ST6GALNAC5: variants seen among roughly 807,000 people sequenced by gnomAD.
The protein encoded by ST6GALNAC5 is alpha-N-acetylgalactosaminide alpha-2,6-sialyltransferase 5.
Under a neutral mutation model 33.6 loss-of-function variants are expected in ST6GALNAC5, and 27 were observed. The observed-to-expected ratio is 0.80, with a 90% confidence interval of 0.59 to 1.11. The LOEUF is 1.11. ST6GALNAC5 is among the 50% of genes least tolerant of loss of function. ST6GALNAC5 has a pLI of 0.00. For synonymous variants in ST6GALNAC5, 194 were observed against 171.2 expected, an observed-to-expected ratio of 1.13 and a Z score of -1.04; for missense variants, 428 against 454.0, an observed-to-expected ratio of 0.94 and a Z score of 0.52.
intron 2 of ST6GALNAC5, among the ~76,000 whole-genome samples, chr1:76,897,500 C>G (rs143444390): frequency 0.031 from 4,650 of 151,960 alleles, 234 homozygotes; most frequent in African/African-American, 0.11. Flanking sequence ...TCAAAGCATG[C>G]TGTGGGATGG....
chr1:76,934,706 C>T (rs930897989), intron 2 of ST6GALNAC5, among the ~76,000 whole-genome samples: 1 of 152,026 alleles, frequency 6.6e-6, no homozygotes, highest in Middle Eastern at 3.4e-3. Context: ...AGTGAAAGCC[C>T]AGGGAGTACT....
intron 3 of ST6GALNAC5, 131 bp downstream of exon 3, chr1:77,044,744 A>T: frequency 9.0e-7 from 1 of 1,117,090 alleles, no homozygotes; most frequent in Non-Finnish European, 1.3e-6. Context: ...GCTAGAGTTC[A>T]CTTGTAGGGT....
chr1:76,946,409 A>G (rs1647519130), intron 2 of ST6GALNAC5, among the ~76,000 whole-genome samples: 1 of 152,156 alleles, frequency 6.6e-6, no homozygotes, highest in Non-Finnish European at 1.5e-5. Context: ...CTGTTTTAAA[A>G]GAACTGGGGA....
At chr1:76,901,622 G>C (rs550245686) in intron 2 of ST6GALNAC5, among the ~76,000 whole-genome samples, 1 of 152,130 alleles carries the variant, frequency 6.6e-6, no homozygotes, top group Non-Finnish European at 1.5e-5. Context: ...GGCCTTTTGC[G>C]TGAGAAATGT....
chr1:76,917,042 C>T (rs1389292367), intron 2 of ST6GALNAC5, among the ~76,000 whole-genome samples: 1 of 152,110 alleles, frequency 6.6e-6, no homozygotes, highest in Admixed American at 6.6e-5. Context: ...GAATAACTCC[C>T]TCAGGGTGAA....
chr1:76,867,552 C>A lies in ST6GALNAC5; in HGVS notation c.-124C>A. 15 of 1,526,160 alleles carry A rather than the reference C, an allele frequency of 9.8e-6. No individual in the cohort carries two copies. In the South Asian group the frequency reaches 1.6e-4, roughly 16 times the overall value. 94.5% of individuals were successfully genotyped at this position (1,526,160 alleles called of 1,614,324 possible). A position where few individuals can be genotyped will look rare whatever the true frequency, so the allele number is the denominator to read the frequency against. Reference sequence around the variant, plus strand: ...CCCGCGGCTCCCGCGCGCGATCTGCCGCGGCCGGCTGCTGGGCAAAAATCA... The same window carrying A: ...CCCGCGGCTCCCGCGCGCGATCTGCAGCGGCCGGCTGCTGGGCAAAAATCA... On this transcript the variant is annotated 5_prime_UTR_variant, in exon 1 of 5. Transcript: ENST00000477717.
At chr1:76,985,539 T>C (rs1407809963) in intron 2 of ST6GALNAC5, among the ~76,000 whole-genome samples, 1 of 152,202 alleles carries the variant, frequency 6.6e-6, no homozygotes. Flanking sequence ...GAATATTCCA[T>C]GCTCATGGAT....
At chr1:77,023,787 C>A (rs533975186) in intron 2 of ST6GALNAC5, among the ~76,000 whole-genome samples, 1 of 152,212 alleles carries the variant, frequency 6.6e-6, no homozygotes, top group South Asian at 2.1e-4. Context: ...AGAACTGGGT[C>A]ATTGTAGCGC....
intron 2 of ST6GALNAC5, among the ~76,000 whole-genome samples, chr1:77,013,482 C>T (rs1259857895): frequency 6.6e-6 from 1 of 152,160 alleles, no homozygotes; most frequent in Non-Finnish European, 1.5e-5. Context: ...GCTTTCTCAC[C>T]CAACTGTTGC....
rs182110009 is a variant in ST6GALNAC5 at position 77,066,136 on chromosome 1, A to C, written c.*2930A>C. On this transcript the variant is annotated 3_prime_UTR_variant, in exon 5 of 5. Transcript: ENST00000477717. ...GTGATTTCCATTACCGTTAATGGGC[A>C]TTTGGCAACTAAGTCCCTGTGCTTT... is the stretch of plus-strand genomic sequence containing the variant. Among the ~76,000 whole-genome samples the C allele has an allele frequency of 1.3e-5, 2 of 152,294 alleles. No homozygotes were observed. The highest frequency in any genetic ancestry group is 2.9e-5 in the Non-Finnish European group (2 of 68,024).
At chr1:77,058,825 G>C (rs1482556188) in intron 4 of ST6GALNAC5, among the ~76,000 whole-genome samples, 1 of 152,156 alleles carries the variant, frequency 6.6e-6, no homozygotes, top group African/African-American at 2.4e-5. Flanking sequence ...TGTGCTGAAA[G>C]CCAGGCAGTG....
At chr1:76,881,245 A>C (rs572669171) in intron 2 of ST6GALNAC5, among the ~76,000 whole-genome samples, 3 of 152,334 alleles carry the variant, frequency 2.0e-5, no homozygotes, top group African/African-American at 7.2e-5. Context: ...ATGTGCATTT[A>C]TGAGATGTGT....
rs114991774 is a variant in ST6GALNAC5, at chr1:77,061,934, A to G, written c.780-1041A>G. On this transcript the variant is annotated intron_variant, in intron 4 of 4. Coordinates refer to ENST00000477717, the MANE Select transcript of ST6GALNAC5 (RefSeq NM_030965.3). Reference sequence around the variant, plus strand: ...ACTGAGGATGTAGAGTTTCTGGACTAAAAGACTGTAGACTTTGAGTACATA... The same window carrying G: ...ACTGAGGATGTAGAGTTTCTGGACTGAAAGACTGTAGACTTTGAGTACATA... Among the ~76,000 whole-genome samples, 141 of 152,290 alleles carry G rather than the reference A, an allele frequency of 9.3e-4. 1 individual carries two copies. Among genetic ancestry groups the G allele is most frequent in the African/African-American group, 3.1e-3 (128 of 41,568 alleles).
At position 76,893,697 on chromosome 1, in the gene ST6GALNAC5, G is replaced by A. The variant is rs554429782; in HGVS notation, c.261+24955G>A. Among the ~76,000 whole-genome samples the A allele has an allele frequency of 1.8e-3, 272 of 152,206 alleles. 4 individuals are homozygous for A. The highest frequency in any genetic ancestry group is 6.0e-3 in the African/African-American group (250 of 41,528). On this transcript the variant is annotated intron_variant, in intron 2 of 4. Coordinates refer to ENST00000477717, the MANE Select transcript of ST6GALNAC5 (RefSeq NM_030965.3). ...TATTTTTGAGACAGAGGCTCACTCC[G>A]TCACCCAGGCTAGATTGCAGTGGCG... is the stretch of plus-strand genomic sequence containing the variant.
intron 2 of ST6GALNAC5, among the ~76,000 whole-genome samples, chr1:76,993,506 A>G (rs945853844): frequency 2.6e-5 from 4 of 152,216 alleles, no homozygotes; most frequent in African/African-American, 9.6e-5. Flanking sequence ...TTTGTGAGAA[A>G]TATGGAGTAT....
intron 2 of ST6GALNAC5, among the ~76,000 whole-genome samples, chr1:76,995,860 C>A (rs1276078363): frequency 1.3e-5 from 2 of 152,108 alleles, no homozygotes; most frequent in Non-Finnish European, 2.9e-5. Context: ...GACTATGTAT[C>A]TTTTGGCTCA....
At chr1:76,921,683 G>C (rs1435648470) in intron 2 of ST6GALNAC5, among the ~76,000 whole-genome samples, 2 of 152,122 alleles carry the variant, frequency 1.3e-5, no homozygotes, top group African/African-American at 4.8e-5. Context: ...ATTTGCAACT[G>C]AAAAACTCCA....
intron 2 of ST6GALNAC5, among the ~76,000 whole-genome samples, chr1:76,916,541 G>A (rs1422660302): frequency 6.6e-6 from 1 of 152,050 alleles, no homozygotes; most frequent in African/African-American, 2.4e-5. Flanking sequence ...TAAACATCAA[G>A]ATTTTAGTTT....
intron 2 of ST6GALNAC5, among the ~76,000 whole-genome samples, chr1:77,014,675 T>C (rs143491942): frequency 2.9e-4 from 44 of 152,302 alleles, no homozygotes; most frequent in Non-Finnish European, 5.1e-4. Flanking sequence ...GACTCGGATT[T>C]CCACATAAGC....
Sources: allele counts gnomAD v4.1 joint callset (sites outside exome capture counted in the v4.1 genomes callset), GRCh38; gene constraint gnomAD v4.1.1; transcripts MANE v1.5; gene names NCBI Gene and HGNC (gene_info 2026-07-23, HGNC 2026-07-21).